TTC23L: variants seen among roughly 807,000 people sequenced by gnomAD.
The protein encoded by TTC23L is tetratricopeptide repeat protein 23-like.
In TTC23L, 42 loss-of-function variants were observed where a neutral mutation model predicts 48.1. The ratio of observed to expected loss-of-function variants is 0.87; its 90% CI spans 0.68 to 1.13. The LOEUF (loss-of-function observed/expected upper bound fraction) is 1.13. Ranked by LOEUF, TTC23L falls within the 50% of genes most tolerant of loss-of-function variation. TTC23L has a pLI of 0.00. For missense variants in TTC23L, 391 were observed against 421.0 expected (o/e 0.93, Z 0.62); for synonymous variants, 159 against 157.2 (o/e 1.01, Z -0.09).
chr5:34,916,147 G>A, the TTC23L span: 1 of 383,718 alleles, frequency 2.6e-6, no homozygotes, highest in South Asian at 6.5e-5. Context: ...CTTACAGGGT[G>A]CTCAGATCCA....
intron 8 of TTC23L, among the ~76,000 whole-genome samples, 169 bp from the exon 9 acceptor site, chr5:34,880,012 A>G (rs1431554388): frequency 1.3e-5 from 2 of 151,942 alleles, no homozygotes; most frequent in Admixed American, 1.3e-4. Flanking sequence ...AAAAGAAAAC[A>G]ACAACAGCAA....
chr5:34,904,263 C>T (rs1474808218), downstream of TTC23L, among the ~76,000 whole-genome samples: 1 of 151,308 alleles, frequency 6.6e-6, no homozygotes, highest in African/African-American at 2.4e-5. Flanking sequence ...AGCCACCACA[C>T]CTAGCTCAAT....
the TTC23L span, among the ~76,000 whole-genome samples, chr5:34,917,542 A>G: frequency 2.8e-4 from 43 of 151,770 alleles, 1 homozygote; most frequent in East Asian, 6.8e-3. Flanking sequence ...CGGGAGTCTG[A>G]GGCAGGAGAA....
intron 3 of TTC23L, among the ~76,000 whole-genome samples, chr5:34,849,595 A>G (rs1383063136): frequency 6.6e-6 from 1 of 152,248 alleles, no homozygotes; most frequent in Admixed American, 6.5e-5. Flanking sequence ...TTCTGTGATT[A>G]GATAAGGAAT....
the TTC23L span, chr5:34,921,216 C>T: frequency 2.0e-5 from 3 of 152,170 alleles, no homozygotes; most frequent in African/African-American, 7.2e-5. Flanking sequence ...ATGAATACTA[C>T]AGTAATACAA....
At chr5:34,857,127 C>CA (rs944350383) in intron 4 of TTC23L, among the ~76,000 whole-genome samples, 26 of 152,296 alleles carry the variant, frequency 1.7e-4, no homozygotes, top group African/African-American at 6.0e-4. Context: ...GAACAAGTGA[C>CA]ACTAGAAGTG....
chr5:34,848,546 A>G (rs1389554612), intron 3 of TTC23L, among the ~76,000 whole-genome samples: 1 of 152,216 alleles, frequency 6.6e-6, no homozygotes, highest in Non-Finnish European at 1.5e-5. Context: ...TACTATGAAG[A>G]AAAAGTAAAA....
At chr5:34,896,739 GA>G in intron 9 of TTC23L, 30 bp from the exon 10 acceptor site, 1 of 768,520 alleles carries the variant, frequency 1.3e-6, no homozygotes, top group Non-Finnish European at 2.4e-6. Flanking sequence ...ACACTTCATA[GA>G]GAGGGTGACA....
intron 4 of TTC23L, among the ~76,000 whole-genome samples, chr5:34,851,324 T>C (rs1470332505): frequency 6.6e-6 from 1 of 152,222 alleles, no homozygotes; most frequent in Non-Finnish European, 1.5e-5. Context: ...AGGCTGGATA[T>C]CAGCAAAGCT....
chr5:34,921,096 C>G, the TTC23L span: 1 of 152,218 alleles, frequency 6.6e-6, no homozygotes, highest in African/African-American at 2.4e-5. Flanking sequence ...CTACCTCGGC[C>G]TCCCAAAGTG....
intron 9 of TTC23L, among the ~76,000 whole-genome samples, chr5:34,890,560 G>C (rs995523643): frequency 2.6e-5 from 4 of 151,414 alleles, no homozygotes. Flanking sequence ...ATGTAATACA[G>C]ATTCTGACTT....
intron 4 of TTC23L, among the ~76,000 whole-genome samples, chr5:34,855,955 C>G (rs1760097234): frequency 1.3e-5 from 2 of 152,142 alleles, no homozygotes; most frequent in Non-Finnish European, 2.9e-5. Flanking sequence ...TAATTTTTAA[C>G]TTTTCAACGA....
intron 9 of TTC23L, among the ~76,000 whole-genome samples, chr5:34,895,368 G>GT (rs1763150161): frequency 6.6e-6 from 1 of 152,182 alleles, no homozygotes; most frequent in South Asian, 2.1e-4. Flanking sequence ...ACTTAGCACA[G>GT]TATCTGGTAT....
intron 3 of TTC23L, among the ~76,000 whole-genome samples, chr5:34,846,841 T>C (rs1167739669): frequency 2.6e-5 from 4 of 151,742 alleles, no homozygotes; most frequent in Admixed American, 2.0e-4. Context: ...AAGATGCCCT[T>C]GGTTACAGTG....
chr5:34,870,910 G>A (rs1331087980), intron 8 of TTC23L, among the ~76,000 whole-genome samples: 1 of 152,124 alleles, frequency 6.6e-6, no homozygotes, highest in African/African-American at 2.4e-5. Context: ...TGCAGAAAAA[G>A]CATGTGACAA....
intron 9 of TTC23L, among the ~76,000 whole-genome samples, chr5:34,889,599 C>T (rs1335613565): frequency 6.6e-6 from 1 of 152,170 alleles, no homozygotes; most frequent in Non-Finnish European, 1.5e-5. Context: ...GGAGGATGTT[C>T]TCCAGCCTCT....
the TTC23L span, chr5:34,924,906 A>G: frequency 1.2e-6 from 2 of 1,610,202 alleles, no homozygotes; most frequent in Non-Finnish European, 1.7e-6. Flanking sequence ...TAAATCTCAT[A>G]AAGATTTTCC....
At chr5:34,890,623 G>A (rs153012) in intron 9 of TTC23L, among the ~76,000 whole-genome samples, 26,650 of 152,006 alleles carry the variant, frequency 0.18, 2,992 homozygotes, top group East Asian at 0.35. Flanking sequence ...CAAGGCTCCA[G>A]AACCCATTTT....
At chr5:34,921,907 CAAAAAAAAAAA>C in the TTC23L span, 10 of 35,368 alleles carry the variant, frequency 2.8e-4, no homozygotes, top group Non-Finnish European at 5.0e-4. Context: ...AACTGCATCG[CAAAAAAAAAAA>C]AAAAAAAAAG....
Sources: allele counts gnomAD v4.1 joint callset (sites outside exome capture counted in the v4.1 genomes callset), GRCh38; gene constraint gnomAD v4.1.1; transcripts MANE v1.5; gene names NCBI Gene and HGNC (gene_info 2026-07-23, HGNC 2026-07-21).